Variants in MAPRE2 observed in about 807,000 individuals in gnomAD.
MAPRE2 encodes the protein microtubule associated protein RP/EB family member 2.
In MAPRE2, 13 loss-of-function variants were observed where a neutral mutation model predicts 43.2. The ratio of observed to expected loss-of-function variants is 0.30; its 90% CI spans 0.20 to 0.48. The LOEUF is 0.48. Ranked by LOEUF, MAPRE2 falls within the 20% of genes least tolerant of loss-of-function variation. The pLI is 0.99. For missense variants in MAPRE2, 161 were observed against 400.2 expected (o/e 0.40, Z 5.10); for synonymous variants, 135 against 148.8 (o/e 0.91, Z 0.68).
intron 4 of MAPRE2, among the ~76,000 whole-genome samples, chr18:35,102,602 A>G (rs1251013951): frequency 1.3e-5 from 2 of 152,218 alleles, no homozygotes; most frequent in Non-Finnish European, 2.9e-5. Flanking sequence ...TGAACTGTAC[A>G]TCCTACCTCC....
At chr18:35,053,151 T>G (rs1906040564) in intron 1 of MAPRE2, among the ~76,000 whole-genome samples, 1 of 152,140 alleles carries the variant, frequency 6.6e-6, no homozygotes. Flanking sequence ...CCCAGCACTT[T>G]GGGAGGCTGA....
chr18:35,142,400 C>T lies in MAPRE2; in HGVS notation c.*2031C>T, dbSNP rs1711935770. On this transcript the variant is annotated 3_prime_UTR_variant, in exon 7 of 7. Coordinates refer to ENST00000300249, the MANE Select transcript of MAPRE2 (RefSeq NM_014268.4). ...ACCAAACTCCTGTCATGTGGATGCA[C>T]GTGAGTGGGTAGCAGGGAGTCAGGA... The T allele has an allele frequency of 1.3e-5, 2 of 152,262 alleles. No homozygotes were observed. Among genetic ancestry groups the T allele is most frequent in the South Asian group, 2.1e-4 (1 of 4,830 alleles). The allele number at this position is 152,262 out of a possible 1,614,324, so 9.4% of individuals were successfully genotyped here.
At chr18:35,052,810 A>G (rs1906014871) in intron 1 of MAPRE2, among the ~76,000 whole-genome samples, 1 of 152,192 alleles carries the variant, frequency 6.6e-6, no homozygotes, top group Non-Finnish European at 1.5e-5. Context: ...ATGATGACTA[A>G]TGATGGGTAT....
chr18:35,012,084 T>A (rs1568971366), intron 2 of MAPRE2, among the ~76,000 whole-genome samples: 1 of 152,140 alleles, frequency 6.6e-6, no homozygotes, highest in Non-Finnish European at 1.5e-5. Flanking sequence ...CAGAAGATAG[T>A]GCCCAGTGTC....
chr18:35,048,681 G>A (rs118184589), intron 1 of MAPRE2, among the ~76,000 whole-genome samples: 8,445 of 147,886 alleles, frequency 0.057, 343 homozygotes, highest in South Asian at 0.13. Flanking sequence ...AATACTATAC[G>A]TACACTATAC....
At chr18:35,046,290 G>A (rs1422735670) in intron 1 of MAPRE2, among the ~76,000 whole-genome samples, 1 of 152,164 alleles carries the variant, frequency 6.6e-6, no homozygotes, top group African/African-American at 2.4e-5. Flanking sequence ...ATGGAAAACC[G>A]CTCATTTTGT....
chr18:35,129,172 G>A (rs555122652), intron 5 of MAPRE2, among the ~76,000 whole-genome samples: 7 of 152,300 alleles, frequency 4.6e-5, no homozygotes, highest in African/African-American at 1.7e-4. Context: ...TCCCTCAGAA[G>A]GAAGACACAC....
intron 4 of MAPRE2, among the ~76,000 whole-genome samples, chr18:35,116,425 A>C (rs1463581257): frequency 6.6e-6 from 1 of 152,222 alleles, no homozygotes; most frequent in Non-Finnish European, 1.5e-5. Context: ...CACAGATTGT[A>C]AAGTCCAGGC....
chr18:35,122,233 G>A (rs540793054), intron 4 of MAPRE2, among the ~76,000 whole-genome samples: 13 of 152,218 alleles, frequency 8.5e-5, no homozygotes, highest in Admixed American at 3.3e-4. Flanking sequence ...AATTACTTCC[G>A]TTTCAAATTG....
chr18:35,057,127 G>T (rs1054902361), intron 1 of MAPRE2, among the ~76,000 whole-genome samples: 6 of 152,090 alleles, frequency 3.9e-5, no homozygotes, highest in Non-Finnish European at 7.4e-5. Flanking sequence ...GTATTCTCCT[G>T]CCTCAGCCTC....
At chr18:35,095,396 A>ACG (rs1411531135) in intron 2 of MAPRE2, among the ~76,000 whole-genome samples, 2,841 of 148,348 alleles carry the variant, frequency 0.019, 50 homozygotes, top group African/African-American at 0.049. Context: ...ACACACACAC[A>ACG]CACACGCACA....
chr18:35,020,897 T>C (rs2097041557), intron 2 of MAPRE2, among the ~76,000 whole-genome samples: 1 of 152,210 alleles, frequency 6.6e-6, no homozygotes, highest in African/African-American at 2.4e-5. Flanking sequence ...AAAATTGCCA[T>C]TGCTGGCACA....
intron 2 of MAPRE2, among the ~76,000 whole-genome samples, chr18:35,097,046 T>G (rs1005025332): frequency 2.6e-5 from 4 of 152,188 alleles, no homozygotes; most frequent in African/African-American, 9.7e-5. Flanking sequence ...CTTAAGTTTA[T>G]TTTGATGACT....
intron 2 of MAPRE2, among the ~76,000 whole-genome samples, chr18:35,095,390 A>ACACACACACG (rs1555917919): frequency 8.2e-5 from 12 of 145,646 alleles, no homozygotes; most frequent in African/African-American, 3.3e-4. Context: ...ACACACACAC[A>ACACACACACG]CACACACACA....
intron 2 of MAPRE2, among the ~76,000 whole-genome samples, chr18:35,029,966 G>A (rs1392709063): frequency 6.6e-6 from 1 of 152,184 alleles, no homozygotes; most frequent in African/African-American, 2.4e-5. Context: ...AAAAATGCCT[G>A]CAGTTTCCTT....
intron 2 of MAPRE2, among the ~76,000 whole-genome samples, chr18:35,008,142 G>C (rs929995161): frequency 6.6e-6 from 1 of 151,956 alleles, no homozygotes; most frequent in African/African-American, 2.4e-5. Context: ...ATCTGTTCCT[G>C]CACCACACAC....
chr18:35,119,342 G>A (rs749895125), intron 4 of MAPRE2, among the ~76,000 whole-genome samples: 4 of 152,072 alleles, frequency 2.6e-5, no homozygotes, highest in African/African-American at 7.2e-5. Flanking sequence ...TTACCCACCC[G>A]CAGCCCAGCT....
Position 35,005,051 on chromosome 18 carries a change from C to T in MAPRE2, c.-69-441C>T, listed in dbSNP as rs1484650220. Among the ~76,000 whole-genome samples, 5 of 151,644 alleles carry T rather than the reference C, an allele frequency of 3.3e-5. No individual in the cohort carries two copies. The South Asian group carries it at 8.4e-4, about 26-fold the overall frequency. On this transcript the variant is annotated intron_variant, in intron 1 of 7. Transcript: ENST00000413393. ...TGACTAGAAAAAGCCTGTGTTGATA[C>T]TAAATATAAAACCTGGTTAAACCTA... is the stretch of plus-strand genomic sequence containing the variant.
intron 2 of MAPRE2, among the ~76,000 whole-genome samples, chr18:35,030,970 C>T (rs2097047564): frequency 6.6e-6 from 1 of 152,044 alleles, no homozygotes; most frequent in African/African-American, 2.4e-5. Flanking sequence ...GGTCTATGTC[C>T]CTCACCTCTC....
Sources: allele counts gnomAD v4.1 joint callset (sites outside exome capture counted in the v4.1 genomes callset), GRCh38; gene constraint gnomAD v4.1.1; transcripts MANE v1.5; gene names NCBI Gene and HGNC (gene_info 2026-07-23, HGNC 2026-07-21).